Variants in SETBP1 observed in about 807,000 individuals in gnomAD.
SETBP1 encodes SET-binding protein.
SETBP1 carries 9 observed loss-of-function variants against 101.0 expected under a neutral mutation model. The observed-to-expected ratio is 0.09, with a 90% CI of 0.05 to 0.16. SETBP1 has a LOEUF of 0.16. Ranked by LOEUF, SETBP1 falls within the 10% of genes least tolerant of loss-of-function variation. SETBP1 has a pLI of 1.00. For synonymous variants in SETBP1, 818 were observed against 788.5 expected (o/e 1.04, Z -0.63); for missense variants, 1,858 against 2,033.8 (o/e 0.91, Z 1.66).
At chr18:44,876,356 C>T (rs2144716206) in intron 3 of SETBP1, among the ~76,000 whole-genome samples, 2 of 152,280 alleles carry the variant, frequency 1.3e-5, no homozygotes, top group African/African-American at 4.8e-5. Flanking sequence ...CACCCCCACA[C>T]CCCTATTTTA....
chr18:45,022,912 C>G (rs754576028), intron 4 of SETBP1, among the ~76,000 whole-genome samples: 23 of 152,176 alleles, frequency 1.5e-4, no homozygotes, highest in Non-Finnish European at 2.6e-4. Flanking sequence ...GTCTTTGTAT[C>G]TTAGTAGCCT....
chr18:44,902,790 T>C (rs1037215658), intron 3 of SETBP1, among the ~76,000 whole-genome samples: 2 of 152,108 alleles, frequency 1.3e-5, no homozygotes, highest in Non-Finnish European at 2.9e-5. Flanking sequence ...CTTATGTTAT[T>C]GGGATTATTA....
In SETBP1 at chr18:45,038,518, C is replaced by G. The variant is rs148195272; in HGVS notation, c.4034C>G (p.Thr1345Arg). 5 of 1,614,038 alleles carry G rather than the reference C, an allele frequency of 3.1e-6. No individual in the cohort carries two copies. Among genetic ancestry groups the G allele is most frequent in the African/African-American group, 2.7e-5 (2 of 74,904 alleles). ...MPSPHLKVDQ[T>R]AVHSKNEGSV... The stretch of plus-strand genomic sequence containing the variant: ...AGTCCCCACTTAAAAGTGGACCAGA[C>G]AGCAGTGCATAGTAAGAACGAAGGC... The change falls in exon 5 of 6, where the codon ACA (threonine) becomes AGA (arginine). Residue 1345 changes from threonine to arginine, a missense_variant. Thr to Arg is a moderately conservative substitution (Grantham distance 71). This residue lies in a region of SETBP1 where 417 missense variants were observed against 389.1 expected (regional missense o/e 1.07). Coordinates refer to ENST00000649279, the MANE Select transcript of SETBP1 (RefSeq NM_015559.3).
chr18:44,953,933 C>T (rs750169219), intron 4 of SETBP1, among the ~76,000 whole-genome samples: 1 of 152,110 alleles, frequency 6.6e-6, no homozygotes, highest in African/African-American at 2.4e-5. Context: ...CTGGGCAGGT[C>T]CCTAAAATGA....
At chr18:44,945,924 G>A (rs369058608) in intron 3 of SETBP1, among the ~76,000 whole-genome samples, 17 of 152,314 alleles carry the variant, frequency 1.1e-4, no homozygotes, top group African/African-American at 3.8e-4. Flanking sequence ...CCTGTCTTGC[G>A]GCTTGCCTTA....
intron 2 of SETBP1, among the ~76,000 whole-genome samples, chr18:44,722,777 G>A (rs2069628226): frequency 6.6e-6 from 1 of 152,210 alleles, no homozygotes; most frequent in Admixed American, 6.5e-5. Flanking sequence ...TGAAGGGCAT[G>A]TCTTCAGGAC....
chr18:45,063,566 G>C lies in SETBP1; in HGVS notation c.4659G>C (p.Arg1553Ser). The change falls in exon 6 of 6, where the codon AGG becomes AGC. Residue 1553 changes from arginine (R) to serine (S), a missense_variant. Physicochemically the swap from Arg to Ser is moderately radical, Grantham distance 110. Transcript: ENST00000649279. ...PLPKTPRGGKRKHKPQAPAQP... is the reference protein window; with the variant it reads ...PLPKTPRGGKSKHKPQAPAQP... ...CCAAGACCCCCCGAGGCGGAAAGAGGAAACACAAACCGCAGGCCCCCGCTC... is the reference window on the plus strand; with the variant it reads ...CCAAGACCCCCCGAGGCGGAAAGAGCAAACACAAACCGCAGGCCCCCGCTC... 1 of 1,541,438 alleles carries C rather than the reference G, an allele frequency of 6.5e-7. No individual in the cohort carries two copies. Among genetic ancestry groups the C allele is most frequent in the Admixed American group, 1.9e-5 (1 of 52,034 alleles).
chr18:45,030,634 C>G (rs2073275639), intron 4 of SETBP1, among the ~76,000 whole-genome samples: 1 of 150,130 alleles, frequency 6.7e-6, no homozygotes, highest in Non-Finnish European at 1.5e-5. Context: ...GTGAATCCAT[C>G]TGGTCCTGGA....
At chr18:44,736,375 C>T (rs752403211) in intron 2 of SETBP1, among the ~76,000 whole-genome samples, 7 of 152,140 alleles carry the variant, frequency 4.6e-5, no homozygotes, top group Non-Finnish European at 8.8e-5. Flanking sequence ...AGTGAGATCA[C>T]GTCTGTTTAC....
chr18:45,036,724 G>A (rs1339505062), intron 4 of SETBP1, among the ~76,000 whole-genome samples: 1 of 152,200 alleles, frequency 6.6e-6, no homozygotes, highest in Non-Finnish European at 1.5e-5. Context: ...AGGAAGGAAG[G>A]AGGTAAATGT....
At chr18:44,924,778 C>T (rs2070660886) in intron 3 of SETBP1, among the ~76,000 whole-genome samples, 1 of 152,166 alleles carries the variant, frequency 6.6e-6, no homozygotes, top group South Asian at 2.1e-4. Context: ...AAGTACATTG[C>T]TCATCCCCCA....
Position 44,848,690 on chromosome 18 carries a change from G to A in SETBP1, c.487-20540G>A, listed in dbSNP as rs58480735. Among the ~76,000 whole-genome samples, 889 of 152,310 alleles carry A rather than the reference G, an allele frequency of 5.8e-3. 8 individuals are homozygous for A. Among genetic ancestry groups the A allele is most frequent in the African/African-American group, 0.02 (847 of 41,566 alleles). ...CAAACACAATGAAACAGATGAGAAG[G>A]GTTGCAGATTACATTTCTGACAATG... On this transcript the variant is annotated intron_variant, in intron 2 of 5. Coordinates refer to ENST00000649279, the MANE Select transcript of SETBP1 (RefSeq NM_015559.3).
intron 2 of SETBP1, among the ~76,000 whole-genome samples, chr18:44,851,707 G>C (rs2072869631): frequency 6.6e-6 from 1 of 152,032 alleles, no homozygotes; most frequent in Admixed American, 6.6e-5. Context: ...TCTTCAATAA[G>C]ATGAGAGAGT....
At chr18:45,053,589 C>A (rs1204220073) in intron 5 of SETBP1, among the ~76,000 whole-genome samples, 1 of 152,090 alleles carries the variant, frequency 6.6e-6, no homozygotes, top group Non-Finnish European at 1.5e-5. Context: ...AATACATAAA[C>A]AAATGCAGTT....
intron 1 of SETBP1, among the ~76,000 whole-genome samples, chr18:44,690,571 G>A (rs1451920394): frequency 6.6e-6 from 1 of 152,194 alleles, no homozygotes; most frequent in Non-Finnish European, 1.5e-5. Flanking sequence ...GTGTGGTGGA[G>A]GACCAGAGTT....
At chr18:44,965,503 C>T (rs1322254012) in intron 4 of SETBP1, among the ~76,000 whole-genome samples, 2 of 152,066 alleles carry the variant, frequency 1.3e-5, no homozygotes, top group Admixed American at 1.3e-4. Flanking sequence ...ATCATAAAGC[C>T]AATAGTTTCC....
intron 4 of SETBP1, among the ~76,000 whole-genome samples, chr18:45,025,276 G>A (rs1208264828): frequency 2.0e-5 from 3 of 152,286 alleles, no homozygotes; most frequent in East Asian, 1.9e-4. Flanking sequence ...TGAAGTAAGC[G>A]AGGATGAGTA....
intron 2 of SETBP1, among the ~76,000 whole-genome samples, chr18:44,813,255 C>T (rs1328199405): frequency 1.3e-5 from 2 of 152,154 alleles, no homozygotes; most frequent in Non-Finnish European, 2.9e-5. Flanking sequence ...TTGGAAGATA[C>T]CCTATGGTGA....
Position 44,974,692 on chromosome 18 carries a change from G to A in SETBP1, c.4000+21352G>A, listed in dbSNP as rs568888816. Among the ~76,000 whole-genome samples the A allele has an allele frequency of 1.4e-4, 21 of 152,232 alleles. No homozygotes were observed. The South Asian group carries it at 4.2e-3, about 30-fold the overall frequency. On this transcript the variant is annotated intron_variant, in intron 4 of 5. Transcript: ENST00000649279. ...ATATATTTGTATATATTTAAAAGAG[G>A]AGAAAGGCAGTACATCTTTTTAAAA...
Sources: allele counts gnomAD v4.1 joint callset (sites outside exome capture counted in the v4.1 genomes callset), GRCh38; gene constraint gnomAD v4.1.1; regional missense constraint gnomAD v4.1.1; transcripts MANE v1.5; gene names NCBI Gene and HGNC (gene_info 2026-07-23, HGNC 2026-07-21).